PKD1L1: variants seen among roughly 807,000 people sequenced by gnomAD.
PKD1L1 encodes the protein polycystin 1 like 1, transient receptor potential channel interacting.
Under a neutral mutation model 323.4 loss-of-function variants are expected in PKD1L1, and 236 were observed. The ratio of observed to expected loss-of-function variants is 0.73; its 90% CI spans 0.66 to 0.81. The LOEUF (loss-of-function observed/expected upper bound fraction) is 0.81. PKD1L1 is among the 40% of genes least tolerant of loss of function. The probability of loss-of-function intolerance (pLI) is 0.00; values close to 1 mark genes in which losing one functional copy is unlikely to be tolerated. For missense variants in PKD1L1, 3,320 were observed against 3,508.0 expected (o/e 0.95, Z 1.35); for synonymous variants, 1,344 against 1,335.0 (o/e 1.01, Z -0.15).
At chr7:47,888,217 C>T (rs1272641386) in intron 16 of PKD1L1, 67 bp from the exon 17 acceptor site, 2 of 1,468,202 alleles carry the variant, frequency 1.4e-6, no homozygotes, top group Non-Finnish European at 1.9e-6. Context: ...CACATTAATT[C>T]ATGTTAGGCA....
intron 44 of PKD1L1, 23 bp from the exon 45 acceptor site, chr7:47,827,491 G>C: frequency 6.3e-7 from 1 of 1,588,016 alleles, no homozygotes; most frequent in Non-Finnish European, 8.6e-7. Flanking sequence ...AGAGTGCTGT[G>C]AGCTGCGGGC....
At chr7:47,786,925 C>CT (rs749599759) in intron 56 of PKD1L1, among the ~76,000 whole-genome samples, 3 of 152,094 alleles carry the variant, frequency 2.0e-5, no homozygotes, top group Non-Finnish European at 4.4e-5. Flanking sequence ...AAGGTGGGGG[C>CT]TGGCAACTCA....
chr7:47,925,833 G>A (rs1787647330), intron 7 of PKD1L1, among the ~76,000 whole-genome samples: 1 of 152,134 alleles, frequency 6.6e-6, no homozygotes, highest in Non-Finnish European at 1.5e-5. Flanking sequence ...GACCCAAAAT[G>A]AACAGCAAAT....
chr7:47,811,732 G>A (rs1402000995), intron 50 of PKD1L1, 85 bp downstream of exon 50: 2 of 1,100,536 alleles, frequency 1.8e-6, no homozygotes, highest in Non-Finnish European at 2.7e-6. Context: ...TAGGGAACTA[G>A]TCCTGTCTGG....
At chr7:47,842,402 G>C (rs1191839999) in intron 34 of PKD1L1, among the ~76,000 whole-genome samples, 5 of 152,128 alleles carry the variant, frequency 3.3e-5, no homozygotes, top group Non-Finnish European at 4.4e-5. Context: ...GGAAGCGTGA[G>C]TTCCAAGGGC....
intron 45 of PKD1L1, among the ~76,000 whole-genome samples, chr7:47,822,317 G>A (rs549341020): frequency 5.3e-5 from 8 of 152,078 alleles, no homozygotes; most frequent in Admixed American, 2.0e-4. Flanking sequence ...TTTGCCGGGC[G>A]CAGTAGCTCA....
At chr7:47,797,361 T>G (rs1487582900) in intron 54 of PKD1L1, among the ~76,000 whole-genome samples, 1 of 152,216 alleles carries the variant, frequency 6.6e-6, no homozygotes, top group Non-Finnish European at 1.5e-5. Context: ...ATAAAGCTTG[T>G]GTGTGTTATC....
chr7:47,885,236 G>A (rs1318965111), intron 18 of PKD1L1, among the ~76,000 whole-genome samples: 1 of 152,186 alleles, frequency 6.6e-6, no homozygotes, highest in Non-Finnish European at 1.5e-5. Flanking sequence ...AGCAAAATCA[G>A]TAAGCAGCTG....
Position 47,885,794 on chromosome 7 carries a change from C to G in PKD1L1, c.3097G>C (p.Glu1033Gln). The change falls in exon 18 of 57, where the codon GAG becomes CAG. Residue 1033 changes from glutamate to glutamine, a missense_variant. Glu to Gln is a conservative substitution (Grantham distance 29). Coordinates refer to ENST00000289672, the MANE Select transcript of PKD1L1 (RefSeq NM_138295.5). ...GDSAVLGEAP[E>Q]EGSLDLEPGP... Reference sequence around the variant, plus strand: ...GGCTCTAGGTCTAGTGAACCTTCCTCTGGAGCCTCCCCCAGGACTGCAGAG... The same window carrying G: ...GGCTCTAGGTCTAGTGAACCTTCCTGTGGAGCCTCCCCCAGGACTGCAGAG... The G allele has an allele frequency of 6.2e-7, 1 of 1,614,216 alleles. No homozygotes were observed. Among genetic ancestry groups the G allele is most frequent in the Non-Finnish European group, 8.5e-7 (1 of 1,180,052 alleles).
chr7:47,960,724 A>G, the PKD1L1 span, among the ~76,000 whole-genome samples: 2 of 151,920 alleles, frequency 1.3e-5, no homozygotes, highest in Non-Finnish European at 2.9e-5. Context: ...AAAAGACCTG[A>G]ATAGACTTCT....
At chr7:47,956,451 T>A in the PKD1L1 span, among the ~76,000 whole-genome samples, 1 of 151,800 alleles carries the variant, frequency 6.6e-6, no homozygotes, top group African/African-American at 2.4e-5. Flanking sequence ...AATCACAGAG[T>A]GGACTGCAGG....
chr7:47,787,834 TC>T (rs1296118714), intron 56 of PKD1L1, among the ~76,000 whole-genome samples: 2 of 152,084 alleles, frequency 1.3e-5, no homozygotes, highest in Non-Finnish European at 2.9e-5. Flanking sequence ...ACCTCAGCCT[TC>T]CAAGTAGCTG....
rs76503142 is a variant in PKD1L1 at position 47,906,213 on chromosome 7, C to T, written c.1403-251G>A. Among the ~76,000 whole-genome samples the T allele has an allele frequency of 0.015, 2,358 of 152,258 alleles. 56 individuals carry two copies. The highest frequency in any genetic ancestry group is 0.054 in the African/African-American group (2,230 of 41,544). On this transcript the variant is annotated intron_variant, in intron 9 of 56. Transcript: ENST00000289672. ...AACTCCCTGCATGGTATTAAATATG[C>T]TAATTCCTTTGAAATATGTTAATTA...
chr7:47,821,335 C>T, intron 45 of PKD1L1, 149 bp from the exon 46 acceptor site: 1 of 503,922 alleles, frequency 2.0e-6, no homozygotes, highest in South Asian at 3.0e-5. Context: ...GTGGCACAAT[C>T]TTGGCTCACT....
chr7:47,776,189 T>C (rs1186342239), intron 56 of PKD1L1, among the ~76,000 whole-genome samples: 2 of 152,246 alleles, frequency 1.3e-5, no homozygotes, highest in Non-Finnish European at 2.9e-5. Context: ...AAAAAGTTTC[T>C]AATAAAAAAC....
At chr7:47,883,744 G>C (rs1786616589) in intron 19 of PKD1L1, among the ~76,000 whole-genome samples, 1 of 152,222 alleles carries the variant, frequency 6.6e-6, no homozygotes, top group Non-Finnish European at 1.5e-5. Context: ...CCTCAAATCA[G>C]AGGAATAAAT....
At position 47,840,136 on chromosome 7, in the gene PKD1L1, C is replaced by A. The variant is rs944384345; in HGVS notation, c.5552+325G>T. 6.6e-6 allele frequency among the ~76,000 whole-genome samples: 1 copy of A among 152,134 alleles called. No individual in the cohort carries two copies. The highest frequency in any genetic ancestry group is 1.5e-5 in the Non-Finnish European group (1 of 68,026). ...CTCCAACCCCACCATCTTTGTGACACCATGTGTCACAAACTGGGGACAAAC... is the reference window on the plus strand; with the variant it reads ...CTCCAACCCCACCATCTTTGTGACAACATGTGTCACAAACTGGGGACAAAC... On this transcript the variant is annotated intron_variant, in intron 35 of 56. Coordinates refer to ENST00000289672, the MANE Select transcript of PKD1L1 (RefSeq NM_138295.5). This position sits in a 1 kb window ranked among gnomAD's most constrained non-coding sequence, Gnocchi z 4.1.
intron 56 of PKD1L1, among the ~76,000 whole-genome samples, chr7:47,786,374 C>T (rs551249088): frequency 6.6e-5 from 10 of 152,162 alleles, no homozygotes; most frequent in African/African-American, 2.4e-4. Context: ...TAACACTGAC[C>T]AGCAGAGTTC....
upstream of PKD1L1, among the ~76,000 whole-genome samples, chr7:47,952,260 C>A (rs759944149): frequency 2.0e-5 from 3 of 152,156 alleles, no homozygotes; most frequent in Non-Finnish European, 4.4e-5. Context: ...TGAGCTGGTT[C>A]CCAGAGCAGG....
Sources: gnomAD v4.1 joint callset for allele counts (sites outside exome capture counted in the v4.1 genomes callset) on GRCh38, gnomAD v4.1.1 for gene constraint, Gnocchi (gnomAD v3.1) non-coding constraint, MANE v1.5 for transcripts, NCBI Gene and HGNC (gene_info 2026-07-23, HGNC 2026-07-21) for gene names.